C12orf42: variants seen among roughly 807,000 people sequenced by gnomAD.
C12orf42 encodes the protein uncharacterized protein C12orf42.
A neutral mutation model predicts 21.6 loss-of-function variants in C12orf42; 25 were observed. That is an observed-to-expected ratio of 1.16 (90% CI 0.84 to 1.62). C12orf42 has a LOEUF of 1.62. C12orf42 is among the 40% of genes most tolerant of loss of function. C12orf42 has a pLI of 0.00. For synonymous variants in C12orf42, 174 were observed against 175.0 expected (o/e 0.99, Z 0.05); for missense variants, 483 against 459.3 (o/e 1.05, Z -0.47).
rs765148696 is a variant in C12orf42, at chr12:103,306,018, G to T, written c.587C>A (p.Thr196Lys). The change falls in exon 5 of 6, where the codon ACA (threonine) becomes AAA (lysine). Residue 196 changes from threonine to lysine, a missense_variant. By Grantham distance (78) the Thr-to-Lys change is moderately conservative. Coordinates refer to ENST00000548883, the MANE Select transcript of C12orf42 (RefSeq NM_198521.5). ...EAQGIHISRHTRPKGQPLSSP... is the reference protein window; with the variant it reads ...EAQGIHISRHKRPKGQPLSSP... ...GCTCAAGGGCTGGCCCTTAGGTCTTGTGTGTCTACTGATGTGTATGCCCTG... is the reference window on the plus strand; with the variant it reads ...GCTCAAGGGCTGGCCCTTAGGTCTTTTGTGTCTACTGATGTGTATGCCCTG... The T allele has an allele frequency of 5.0e-6, 8 of 1,613,562 alleles. No homozygotes were observed. The highest frequency in any genetic ancestry group is 1.6e-4 in the Middle Eastern group (1 of 6,062).
At chr12:103,229,281 T>G in the C12orf42 span, among the ~76,000 whole-genome samples, 1 of 152,218 alleles carries the variant, frequency 6.6e-6, no homozygotes, top group Non-Finnish European at 1.5e-5. Context: ...TCTGCATGCC[T>G]CTTAATAAGG....
chr12:103,519,745 C>T, the C12orf42 span, among the ~76,000 whole-genome samples: 1 of 152,290 alleles, frequency 6.6e-6, no homozygotes, highest in African/African-American at 2.4e-5. Flanking sequence ...ACCCCTCCAA[C>T]CCATTTCCAG....
chr12:103,144,924 T>C, the C12orf42 span, among the ~76,000 whole-genome samples: 1 of 152,124 alleles, frequency 6.6e-6, no homozygotes, highest in Admixed American at 6.6e-5. Flanking sequence ...AACCATCTTT[T>C]ATATCATTGT....
At chr12:103,239,271 G>A (rs1386108086) in intron 10 of C12orf42, among the ~76,000 whole-genome samples, 4 of 152,074 alleles carry the variant, frequency 2.6e-5, no homozygotes, top group Non-Finnish European at 5.9e-5. Context: ...CATCATCTTT[G>A]TTGTCATCAT....
chr12:103,401,637 G>A lies in C12orf42; in HGVS notation c.117C>T (p.Thr39=). The A allele has an allele frequency of 1.2e-6, 2 of 1,613,870 alleles. No homozygotes were observed. Among genetic ancestry groups the A allele is most frequent in the Non-Finnish European group, 1.7e-6 (2 of 1,179,838 alleles). The part of the protein sequence containing the change: ...PCYIPIVSSA[T]LWDRSTPSAK... Reference sequence around the variant, plus strand: ...CACTGGGTGTGCTTCTATCCCACAGGGTGGCACTGCTCACAATGGGAATAT... The same window carrying A: ...CACTGGGTGTGCTTCTATCCCACAGAGTGGCACTGCTCACAATGGGAATAT... The change falls in exon 3 of 6, where the codon ACC becomes ACT. Residue 39 remains threonine, a synonymous_variant. Transcript: ENST00000548883.
At chr12:103,103,998 G>A in the C12orf42 span, among the ~76,000 whole-genome samples, 1 of 152,174 alleles carries the variant, frequency 6.6e-6, no homozygotes, top group African/African-American at 2.4e-5. Flanking sequence ...CTATATGTGG[G>A]CGTTGTGCCC....
chr12:103,464,438 T>G (rs1952962204), intron 2 of C12orf42, among the ~76,000 whole-genome samples: 1 of 151,266 alleles, frequency 6.6e-6, no homozygotes, highest in Admixed American at 6.6e-5. Flanking sequence ...CTTGTAAACT[T>G]AAGCTCCTTA....
chr12:103,538,728 C>T, the C12orf42 span, among the ~76,000 whole-genome samples: 5 of 152,302 alleles, frequency 3.3e-5, no homozygotes, highest in Middle Eastern at 3.4e-3. Context: ...GGCCTTTGCC[C>T]CCCTCCCACA....
chr12:103,324,281 T>A (rs1469043575), intron 4 of C12orf42, among the ~76,000 whole-genome samples: 1 of 152,146 alleles, frequency 6.6e-6, no homozygotes, highest in Non-Finnish European at 1.5e-5. Flanking sequence ...TAACTACTGA[T>A]TCAGTAGAGT....
the C12orf42 span, among the ~76,000 whole-genome samples, chr12:103,067,362 T>C: frequency 6.6e-6 from 1 of 152,170 alleles, no homozygotes; most frequent in Admixed American, 6.5e-5. Context: ...TTCATGCTCA[T>C]GGAATTCACT....
chr12:103,353,354 C>G (rs928916545), intron 4 of C12orf42, among the ~76,000 whole-genome samples: 1 of 151,782 alleles, frequency 6.6e-6, no homozygotes, highest in Non-Finnish European at 1.5e-5. Context: ...GAGAAGGCGA[C>G]TGTGTTTTAT....
chr12:103,299,591 G>A (rs371104079), downstream of C12orf42, among the ~76,000 whole-genome samples: 39 of 152,190 alleles, frequency 2.6e-4, no homozygotes, highest in African/African-American at 8.9e-4. Flanking sequence ...AAGAAATAAA[G>A]GAAAACTGTA....
chr12:103,370,227 T>A (rs912011017), intron 3 of C12orf42, among the ~76,000 whole-genome samples: 14 of 152,030 alleles, frequency 9.2e-5, no homozygotes, highest in African/African-American at 3.4e-4. Context: ...TGTCAAAGAA[T>A]AACAGATGCA....
chr12:103,436,029 C>T (rs1214880425), intron 2 of C12orf42, among the ~76,000 whole-genome samples: 1 of 151,904 alleles, frequency 6.6e-6, no homozygotes, highest in Non-Finnish European at 1.5e-5. Context: ...CAAAGGGAAG[C>T]CCATCAGACT....
the C12orf42 span, among the ~76,000 whole-genome samples, chr12:103,177,028 G>A: frequency 6.6e-6 from 1 of 152,134 alleles, no homozygotes; most frequent in Non-Finnish European, 1.5e-5. Flanking sequence ...TTATTCAACA[G>A]TTTATGAGAT....
At chr12:103,127,246 ATTG>A in the C12orf42 span, among the ~76,000 whole-genome samples, 1 of 152,226 alleles carries the variant, frequency 6.6e-6, no homozygotes. Context: ...AAGAATACTA[ATTG>A]TTGTGTTTCT....
chr12:103,383,937 C>A (rs1358446600), intron 3 of C12orf42, among the ~76,000 whole-genome samples: 1 of 152,182 alleles, frequency 6.6e-6, no homozygotes, highest in Non-Finnish European at 1.5e-5. Context: ...GTCATCATAT[C>A]ATGGACAAGG....
chr12:103,448,719 T>C (rs540325015), intron 2 of C12orf42, among the ~76,000 whole-genome samples: 1 of 151,740 alleles, frequency 6.6e-6, no homozygotes, highest in South Asian at 2.1e-4. Flanking sequence ...GAAATGCAGA[T>C]CAAAATCACA....
At chr12:103,384,241 T>G (rs2046415990) in intron 3 of C12orf42, among the ~76,000 whole-genome samples, 1 of 151,928 alleles carries the variant, frequency 6.6e-6, no homozygotes. Context: ...ACTGCTTACA[T>G]GCTAAGCGAC....
Sources: allele counts gnomAD v4.1 joint callset (sites outside exome capture counted in the v4.1 genomes callset), GRCh38; gene constraint gnomAD v4.1.1; transcripts MANE v1.5; gene names NCBI Gene and HGNC (gene_info 2026-07-23, HGNC 2026-07-21).